EIF3F: variants seen among roughly 807,000 people sequenced by gnomAD.
EIF3F encodes deubiquitinating enzyme eIF3f.
EIF3F carries 8 observed loss-of-function variants against 36.0 expected under a neutral mutation model. The observed-to-expected ratio is 0.22, with a 90% CI of 0.13 to 0.40. EIF3F has a LOEUF of 0.40. Among genes scored for constraint, EIF3F ranks in the 10% least tolerant of loss-of-function variants. The probability of loss-of-function intolerance (pLI) is 1.00; values close to 1 mark genes in which losing one functional copy is unlikely to be tolerated. For synonymous variants in EIF3F, 184 were observed against 188.5 expected (o/e 0.98, Z 0.19); for missense variants, 430 against 467.6 (o/e 0.92, Z 0.74).
At chr11:7,989,409 A>G (rs1022457432) in intron 1 of EIF3F, among the ~76,000 whole-genome samples, 1 of 152,230 alleles carries the variant, frequency 6.6e-6, no homozygotes, top group Non-Finnish European at 1.5e-5. Flanking sequence ...TCCAGACTGG[A>G]ATCATGGTAC....
At chr11:7,989,799 A>G (rs747825444) in intron 1 of EIF3F, among the ~76,000 whole-genome samples, 1 of 152,240 alleles carries the variant, frequency 6.6e-6, no homozygotes, top group Non-Finnish European at 1.5e-5. Context: ...AAGAAGTATA[A>G]AAAAGCCTGG....
At chr11:7,993,144 C>G (rs1289088616) in intron 4 of EIF3F, 120 bp downstream of exon 4, 1 of 1,158,314 alleles carries the variant, frequency 8.6e-7, no homozygotes, top group Non-Finnish European at 1.2e-6. Flanking sequence ...AAGCCTGTTC[C>G]TCTCTCTCAA....
At chr11:7,994,746 C>T (rs746777713) in intron 5 of EIF3F, 2 of 697,068 alleles carry the variant, frequency 2.9e-6, no homozygotes, top group Non-Finnish European at 4.7e-6. Context: ...ACATACCATT[C>T]ACATGAGATC....
intron 1 of EIF3F, among the ~76,000 whole-genome samples, chr11:7,991,034 A>G (rs934009392): frequency 6.6e-6 from 1 of 151,972 alleles, no homozygotes; most frequent in African/African-American, 2.4e-5. Flanking sequence ...GTCTCTAGTA[A>G]AAATACAAAA....
At position 8,000,272 on chromosome 11, in the gene EIF3F, A is replaced by G. The variant is rs1473112959; in HGVS notation, c.*4250A>G. 6.6e-6 allele frequency: 1 copy of G among 152,148 alleles called. No homozygotes were observed. The highest frequency in any genetic ancestry group is 2.4e-5 in the African/African-American group (1 of 41,440). The allele number at this position is 152,148 out of a possible 1,614,324, so 9.4% of individuals were successfully genotyped here. A position where few individuals can be genotyped will look rare whatever the true frequency, so the allele number is the denominator to read the frequency against. ...TAACCTTAAAAGAAGGAAATAACTG[A>G]TTTACAACAACATGGATGGACCTGG... On this transcript the variant is annotated 3_prime_UTR_variant, in exon 8 of 8. Transcript: ENST00000651655.
At chr11:7,991,758 A>G (rs975101601) in intron 1 of EIF3F, 23 bp from the exon 2 acceptor site, 4 of 1,613,704 alleles carry the variant, frequency 2.5e-6, no homozygotes, top group African/African-American at 2.7e-5. Context: ...TATATAACAC[A>G]TGGACGATTC....
In EIF3F at chr11:7,991,725, G is replaced by C. The variant is rs369688071; in HGVS notation, c.365-56G>C. On this transcript the variant is annotated intron_variant, in intron 1 of 7. Transcript: ENST00000651655. ...ATCAAAAGCATTTCAAAAGTAGTCAGAGGTTGTTGGGAGCCCTAGGATTAT... is the reference window on the plus strand; with the variant it reads ...ATCAAAAGCATTTCAAAAGTAGTCACAGGTTGTTGGGAGCCCTAGGATTAT... 2.0e-4 allele frequency: 305 copies of C among 1,549,826 alleles called. 1 individual carries two copies. The African/African-American group carries it at 3.8e-3, about 19-fold the overall frequency.
At chr11:7,995,881 A>C (rs1280902152) in intron 7 of EIF3F, 64 bp from the exon 8 acceptor site, 1 of 1,439,638 alleles carries the variant, frequency 6.9e-7, no homozygotes, top group Non-Finnish European at 9.8e-7. Context: ...GAGCTGGCCA[A>C]AGCCAGCCTT....
intron 2 of EIF3F, 108 bp downstream of exon 2, chr11:7,991,959 C>A (rs1454228176): frequency 1.6e-5 from 24 of 1,509,850 alleles, no homozygotes; most frequent in Non-Finnish European, 2.2e-5. Flanking sequence ...AGCCAAGGAG[C>A]TTCTTCCCAT....
At position 8,000,836 on chromosome 11, in the gene EIF3F, G is replaced by GA. The variant is rs1323978299; in HGVS notation, c.*4820dup. The stretch of plus-strand genomic sequence containing the variant: ...TGAAAAAAAAACCATAAATATGAGG[G>GA]AAAAAACACAGCAATGTGTTTTTAA... On this transcript the variant is annotated 3_prime_UTR_variant, in exon 8 of 8. Coordinates refer to ENST00000651655, the MANE Select transcript of EIF3F (RefSeq NM_003754.3). The GA allele has an allele frequency of 2.0e-5, 3 of 152,012 alleles. No individual in the cohort carries two copies. Among genetic ancestry groups the GA allele is most frequent in the Non-Finnish European group, 2.9e-5 (2 of 67,994 alleles). The allele number at this position is 152,012 out of a possible 1,614,324, so 9.4% of individuals were successfully genotyped here.
chr11:7,994,884 G>A (rs1942143165), intron 5 of EIF3F, 98 bp from the exon 6 acceptor site: 1 of 1,526,292 alleles, frequency 6.6e-7, no homozygotes, highest in Non-Finnish European at 8.9e-7. Flanking sequence ...AACAGAGTTA[G>A]TAGGACGTTA....
Position 7,998,975 on chromosome 11 carries a change from A to G in EIF3F, c.*2953A>G, listed in dbSNP as rs557422700. ...AGAGGAAATAGAGACATTGAAGATA[A>G]AGTGGAGCCAGGCACAGTGGCTCAT... On this transcript the variant is annotated 3_prime_UTR_variant, in exon 8 of 8. Transcript: ENST00000651655. The G allele has an allele frequency of 1.3e-5, 2 of 152,288 alleles. No homozygotes were observed. Among genetic ancestry groups the G allele is most frequent in the South Asian group, 4.1e-4 (2 of 4,830 alleles). The allele number at this position is 152,288 out of a possible 1,614,324, so 9.4% of individuals were successfully genotyped here.
chr11:7,991,951 C>A, intron 2 of EIF3F, 100 bp downstream of exon 2: 1 of 1,494,472 alleles, frequency 6.7e-7, no homozygotes, highest in South Asian at 1.1e-5. Context: ...GCTCCTGTAG[C>A]CAAGGAGCTT....
At chr11:7,992,198 A>G (rs1414216478) in intron 3 of EIF3F, 35 bp downstream of exon 3, 2 of 1,563,222 alleles carry the variant, frequency 1.3e-6, no homozygotes, top group Non-Finnish European at 1.7e-6. Flanking sequence ...GGTTAATGGA[A>G]GGTCTCTTCG....
chr11:7,995,607 C>G (rs566350483), intron 7 of EIF3F: 1 of 588,516 alleles, frequency 1.7e-6, no homozygotes, highest in Non-Finnish European at 3.0e-6. Flanking sequence ...CTGTGACTTA[C>G]TGTCTAAATT....
chr11:7,995,827 C>G (rs532268769), intron 7 of EIF3F, 118 bp from the exon 8 acceptor site: 1 of 811,472 alleles, frequency 1.2e-6, no homozygotes, highest in African/African-American at 1.7e-5. Flanking sequence ...TCTCTCCTAG[C>G]TGTCATTTAT....
At chr11:7,987,823 C>T (rs1341794706) in intron 1 of EIF3F, 107 bp downstream of exon 1, 4 of 1,369,372 alleles carry the variant, frequency 2.9e-6, no homozygotes, top group African/African-American at 3.1e-5. Flanking sequence ...CCGTCCTTTC[C>T]TCCCATCCCC....
intron 1 of EIF3F, among the ~76,000 whole-genome samples, chr11:7,991,307 A>G (rs1942091682): frequency 6.6e-6 from 1 of 152,220 alleles, no homozygotes. Context: ...GGATGATGAT[A>G]AGGTTAAGAC....
rs753395900 is a variant in EIF3F, at chr11:7,999,467, A to G, written c.*3445A>G. On this transcript the variant is annotated 3_prime_UTR_variant, in exon 8 of 8. Coordinates refer to ENST00000651655, the MANE Select transcript of EIF3F (RefSeq NM_003754.3). ...AAACTACATATTTGTCATAATTACA[A>G]TAAAATACAAAGAGCTATTTTGGAA... is the stretch of plus-strand genomic sequence containing the variant. 2.6e-5 allele frequency: 4 copies of G among 152,252 alleles called. No homozygotes were observed. Among genetic ancestry groups the G allele is most frequent in the East Asian group, 1.9e-4 (1 of 5,202 alleles). The allele number at this position is 152,252 out of a possible 1,614,324, so 9.4% of individuals were successfully genotyped here.
Sources: gnomAD v4.1 joint callset for allele counts (sites outside exome capture counted in the v4.1 genomes callset) on GRCh38, gnomAD v4.1.1 for gene constraint, MANE v1.5 for transcripts, NCBI Gene and HGNC (gene_info 2026-07-23, HGNC 2026-07-21) for gene names.